The following CXADR variants were observed in gnomAD, a reference collection of about 807,000 sequenced individuals.
The protein encoded by CXADR is CXADR cell adhesion molecule.
Under a neutral mutation model 40.3 loss-of-function variants are expected in CXADR, and 20 were observed. That is an observed-to-expected ratio of 0.50 (90% CI 0.35 to 0.72). The LOEUF is 0.72. CXADR is among the 30% of genes least tolerant of loss of function. The pLI, the probability that CXADR is intolerant of heterozygous loss-of-function variation, is 0.01. For synonymous variants in CXADR, 150 were observed against 161.3 expected, an observed-to-expected ratio of 0.93 and a Z score of 0.53; for missense variants, 332 against 449.1, an observed-to-expected ratio of 0.74 and a Z score of 2.36.
At chr21:17,624,115 A>G in the CXADR span, among the ~76,000 whole-genome samples, 1 of 152,090 alleles carries the variant, frequency 6.6e-6, no homozygotes, top group Non-Finnish European at 1.5e-5. Context: ...AGGTCTCACA[A>G]TGTTCTACTA....
intron 6 of CXADR, among the ~76,000 whole-genome samples, chr21:17,564,853 G>A (rs1432186718): frequency 6.6e-6 from 1 of 152,110 alleles, no homozygotes; most frequent in African/African-American, 2.4e-5. Flanking sequence ...TCCTGCCTCA[G>A]CCTCCCGAGT....
At chr21:17,536,172 A>G (rs2060753355) in intron 1 of CXADR, among the ~76,000 whole-genome samples, 2 of 152,164 alleles carry the variant, frequency 1.3e-5, no homozygotes, top group African/African-American at 4.8e-5. Flanking sequence ...CTTTTCGTCT[A>G]TAGAATGAAG....
the CXADR span, among the ~76,000 whole-genome samples, chr21:17,615,572 C>T: frequency 7.5e-4 from 114 of 152,228 alleles, no homozygotes; most frequent in African/African-American, 2.7e-3. Context: ...AATGTATGCT[C>T]GCTCTCTCTC....
intron 1 of CXADR, among the ~76,000 whole-genome samples, chr21:17,530,816 A>T (rs1049526143): frequency 1.3e-5 from 2 of 152,210 alleles, no homozygotes; most frequent in African/African-American, 4.8e-5. Flanking sequence ...TCAGTCTCAA[A>T]AAAAAGAAAA....
intron 7 of CXADR, among the ~76,000 whole-genome samples, chr21:17,577,312 A>AT (rs886127947): frequency 6.6e-6 from 1 of 151,918 alleles, no homozygotes; most frequent in Non-Finnish European, 1.5e-5. Flanking sequence ...ATGTTCTCTA[A>AT]TTTTTTTTCT....
At chr21:17,559,669 G>GTTTTTTTTTTTT (rs1447996912) in intron 4 of CXADR, among the ~76,000 whole-genome samples, 4 of 27,888 alleles carry the variant, frequency 1.4e-4, no homozygotes, top group African/African-American at 5.0e-4. Context: ...TTTTTTTTGG[G>GTTTTTTTTTTTT]TTTTTTTTTT....
Position 17,567,884 on chromosome 21 carries a change from G to A in CXADR, c.*2192G>A. On this transcript the variant is annotated 3_prime_UTR_variant, in exon 7 of 7. Coordinates refer to ENST00000284878, the MANE Select transcript of CXADR (RefSeq NM_001338.5). Reference sequence around the variant, plus strand: ...TTCCTTTTTTTTTTTAATAACATATGAGGAACAAGACTTCTCTTCCCATAT... The same window carrying A: ...TTCCTTTTTTTTTTTAATAACATATAAGGAACAAGACTTCTCTTCCCATAT... 5.2e-6 allele frequency: 5 copies of A among 966,116 alleles called. No individual in the cohort carries two copies. Among genetic ancestry groups the A allele is most frequent in the Non-Finnish European group, 6.1e-6 (5 of 813,840 alleles). The allele number at this position is 966,116 out of a possible 1,614,324, so 59.8% of individuals were successfully genotyped here. A position where few individuals can be genotyped will look rare whatever the true frequency, so the allele number is the denominator to read the frequency against.
the CXADR span, chr21:17,609,205 G>T: frequency 6.5e-7 from 1 of 1,545,168 alleles, no homozygotes. Context: ...AAACTGGGAA[G>T]ATGAAGCTCT....
the CXADR span, chr21:17,598,874 CA>C: frequency 6.9e-7 from 1 of 1,440,958 alleles, no homozygotes; most frequent in African/African-American, 1.4e-5. Flanking sequence ...ATCAGCAAAG[CA>C]AAAAATGTCC....
At chr21:17,537,106 G>A (rs192648700) in intron 1 of CXADR, among the ~76,000 whole-genome samples, 7 of 152,296 alleles carry the variant, frequency 4.6e-5, no homozygotes, top group Admixed American at 2.6e-4. Flanking sequence ...GGGACAAGGT[G>A]GAGCAAGAGA....
chr21:17,545,727 T>C (rs186227060), intron 1 of CXADR, among the ~76,000 whole-genome samples: 8 of 151,812 alleles, frequency 5.3e-5, no homozygotes, highest in Admixed American at 2.0e-4. Context: ...TAAAAAGGGA[T>C]GAACAGTAAG....
intron 2 of CXADR, among the ~76,000 whole-genome samples, chr21:17,549,197 A>G (rs1341701303): frequency 6.6e-6 from 1 of 152,188 alleles, no homozygotes; most frequent in Admixed American, 6.5e-5. Flanking sequence ...TACATATGGC[A>G]AGGAGGAAAC....
intron 7 of CXADR, among the ~76,000 whole-genome samples, chr21:17,585,610 C>T (rs898711924): frequency 1.3e-5 from 2 of 152,072 alleles, no homozygotes; most frequent in South Asian, 2.1e-4. Flanking sequence ...CTCCGCCTCC[C>T]AGGTTCAAGC....
At chr21:17,542,386 C>G (rs1263116006) in intron 1 of CXADR, among the ~76,000 whole-genome samples, 1 of 152,166 alleles carries the variant, frequency 6.6e-6, no homozygotes, top group Non-Finnish European at 1.5e-5. Flanking sequence ...CAGTTTGCTT[C>G]CAATCTTATA....
intron 1 of CXADR, among the ~76,000 whole-genome samples, chr21:17,515,946 A>G (rs1007485502): frequency 1.3e-5 from 2 of 152,214 alleles, no homozygotes; most frequent in African/African-American, 4.8e-5. Context: ...GCTCTGAAAC[A>G]GTTTTGTGGT....
the CXADR span, chr21:17,599,083 A>C: frequency 3.0e-6 from 1 of 331,196 alleles, no homozygotes; most frequent in Non-Finnish European, 5.4e-6. Context: ...CTAATTCCTA[A>C]AAAAAAAATT....
At chr21:17,607,554 A>G in the CXADR span, among the ~76,000 whole-genome samples, 6 of 152,254 alleles carry the variant, frequency 3.9e-5, no homozygotes, top group African/African-American at 1.2e-4. Flanking sequence ...TCAATAGAAC[A>G]CAAGCTCACT....
At chr21:17,618,548 T>G in the CXADR span, among the ~76,000 whole-genome samples, 1 of 152,186 alleles carries the variant, frequency 6.6e-6, no homozygotes, top group Non-Finnish European at 1.5e-5. Context: ...TCTTTTTTTT[T>G]GGAGGCGGGG....
Position 17,569,541 on chromosome 21 carries a change from T to G in CXADR, c.*3849T>G. 1.0e-6 allele frequency: 1 copy of G among 985,358 alleles called. No homozygotes were observed. The highest frequency in any genetic ancestry group is 1.2e-6 in the Non-Finnish European group (1 of 829,896). The allele number at this position is 985,358 out of a possible 1,614,324, so 61.0% of individuals were successfully genotyped here. A position where few individuals can be genotyped will look rare whatever the true frequency, so the allele number is the denominator to read the frequency against. On this transcript the variant is annotated 3_prime_UTR_variant, in exon 7 of 7. Transcript: ENST00000284878. Reference sequence around the variant, plus strand: ...TTTTAACACTAAAATAGACCACAACTGAGCACAAATTCCTTTTATAAATGT... The same window carrying G: ...TTTTAACACTAAAATAGACCACAACGGAGCACAAATTCCTTTTATAAATGT...
Sources: gnomAD v4.1 joint callset for allele counts (sites outside exome capture counted in the v4.1 genomes callset) on GRCh38, gnomAD v4.1.1 for gene constraint, MANE v1.5 for transcripts, NCBI Gene and HGNC (gene_info 2026-07-23, HGNC 2026-07-21) for gene names.